Variants in TSPAN4 observed in about 807,000 individuals in gnomAD.
TSPAN4 encodes the protein tetraspanin 4.
In TSPAN4, 38 loss-of-function variants were observed where a neutral mutation model predicts 31.5. The ratio of observed to expected loss-of-function variants is 1.21; its 90% CI spans 0.93 to 1.58. TSPAN4 has a LOEUF of 1.58. Ranked by LOEUF, TSPAN4 falls within the 40% of genes most tolerant of loss-of-function variation. The pLI is 0.00. For synonymous variants in TSPAN4, 186 were observed against 144.6 expected (o/e 1.29, Z -2.06); for missense variants, 330 against 317.3 (o/e 1.04, Z -0.30).
At chr11:846,054 G>A (rs987093379) in intron 1 of TSPAN4, among the ~76,000 whole-genome samples, 2 of 152,314 alleles carry the variant, frequency 1.3e-5, no homozygotes, top group African/African-American at 4.8e-5. Context: ...GTTTGTGTTG[G>A]CGGGCCTCCC....
At chr11:852,215 T>A (rs11246334) in intron 3 of TSPAN4, among the ~76,000 whole-genome samples, 1 of 152,076 alleles carries the variant, frequency 6.6e-6, no homozygotes, top group Non-Finnish European at 1.5e-5. Flanking sequence ...CTTCCATCTC[T>A]GGGGTTCAAG....
At chr11:850,208 G>A in intron 2 of TSPAN4, 80 bp from the exon 3 acceptor site, 7 of 1,207,968 alleles carry the variant, frequency 5.8e-6, no homozygotes, top group Non-Finnish European at 7.0e-6. Flanking sequence ...GCCCCAAGGC[G>A]GCCCAGGCGC....
chr11:846,099 T>G (rs576510742), intron 1 of TSPAN4, among the ~76,000 whole-genome samples: 67 of 152,104 alleles, frequency 4.4e-4, no homozygotes, highest in African/African-American at 1.6e-3. Flanking sequence ...CCCGTGGGCC[T>G]GGGGGGCCAG....
chr11:851,806 G>A (rs1371255502), intron 3 of TSPAN4, among the ~76,000 whole-genome samples: 1 of 151,948 alleles, frequency 6.6e-6, no homozygotes, highest in Non-Finnish European at 1.5e-5. Context: ...AGGGCAGTGG[G>A]TGTGGGGGCC....
intron 3 of TSPAN4, among the ~76,000 whole-genome samples, chr11:851,079 G>C (rs921574875): frequency 6.6e-6 from 1 of 152,248 alleles, no homozygotes; most frequent in African/African-American, 2.4e-5. Flanking sequence ...ATGGAGCAGA[G>C]CTGAGGTAGA....
At chr11:844,676 G>A (rs1477016399) in intron 1 of TSPAN4, 1 of 150,872 alleles carries the variant, frequency 6.6e-6, no homozygotes, top group East Asian at 2.0e-4. Context: ...TCCTGGGTGT[G>A]GAGTGTTGGC....
intron 3 of TSPAN4, among the ~76,000 whole-genome samples, chr11:853,505 C>G (rs1424988362): frequency 1.3e-5 from 2 of 151,044 alleles, no homozygotes; most frequent in African/African-American, 4.9e-5. Flanking sequence ...AGCGTTGGTT[C>G]GGATTTCCCA....
At chr11:865,485 G>A (rs1183333911) in intron 5 of TSPAN4, 28 bp from the exon 6 acceptor site, 13 of 1,579,448 alleles carry the variant, frequency 8.2e-6, no homozygotes, top group Non-Finnish European at 1.1e-5. Context: ...AGTGGGAGGG[G>A]CCCTGCTGAC....
chr11:849,076 C>T (rs1268432217), intron 2 of TSPAN4: 10 of 574,862 alleles, frequency 1.7e-5, no homozygotes, highest in Non-Finnish European at 2.8e-5. Flanking sequence ...ATCAAGCCAG[C>T]TGGGGTGGGT....
At chr11:855,473 G>C (rs758440563) in intron 3 of TSPAN4, among the ~76,000 whole-genome samples, 1 of 152,224 alleles carries the variant, frequency 6.6e-6, no homozygotes, top group Non-Finnish European at 1.5e-5. Context: ...TACCCACCCT[G>C]CAGGAGCCAG....
At chr11:851,270 C>T (rs1261744469) in intron 3 of TSPAN4, among the ~76,000 whole-genome samples, 1 of 152,182 alleles carries the variant, frequency 6.6e-6, no homozygotes, top group African/African-American at 2.4e-5. Flanking sequence ...TGGGGCTTTG[C>T]TGGCTGGGCT....
In TSPAN4 at chr11:847,627, G is replaced by A. The variant is rs1050577159; in HGVS notation, c.-18+327G>A. On this transcript the variant is annotated intron_variant, in intron 2 of 8. Coordinates refer to ENST00000397397, the MANE Select transcript of TSPAN4 (RefSeq NM_003271.5). Reference sequence around the variant, plus strand: ...CCCGCCCCCACCCCCCCCCAACCCCGCTCCTCCTGACCCTCGGTGGCCTTG... The same window carrying A: ...CCCGCCCCCACCCCCCCCCAACCCCACTCCTCCTGACCCTCGGTGGCCTTG... 3.5e-4 allele frequency among the ~76,000 whole-genome samples: 10 copies of A among 28,712 alleles called. No homozygotes were observed. The South Asian group carries it at 6.8e-3, about 19-fold the overall frequency. The allele number at this position is 28,712 out of a possible 152,430, so 18.8% of individuals were successfully genotyped here.
chr11:850,485 G>A, intron 3 of TSPAN4, 118 bp downstream of exon 3: 1 of 878,220 alleles, frequency 1.1e-6, no homozygotes, highest in South Asian at 1.5e-5. Context: ...GCGGTTGTGG[G>A]GATGGTCCCG....
chr11:865,146 C>T (rs1024902575), intron 5 of TSPAN4: 2 of 229,206 alleles, frequency 8.7e-6, no homozygotes, highest in Admixed American at 5.1e-5. Flanking sequence ...TCTGGGTCCT[C>T]ACTGAATATT....
At chr11:863,141 T>C in intron 4 of TSPAN4, 1 of 165,726 alleles carries the variant, frequency 6.0e-6, no homozygotes, top group Non-Finnish European at 1.3e-5. Context: ...AGCTTCTTGT[T>C]GGGGGCCTGG....
chr11:862,837 C>T lies in TSPAN4; in HGVS notation c.255+96C>T, dbSNP rs756771432. 1.7e-3 allele frequency: 2,218 copies of T among 1,295,600 alleles called. 3 individuals carry two copies. Among genetic ancestry groups the T allele is most frequent in the Non-Finnish European group, 2.2e-3 (2,090 of 965,918 alleles). The allele number at this position is 1,295,600 out of a possible 1,614,324, so 80.3% of individuals were successfully genotyped here. On this transcript the variant is annotated intron_variant, in intron 4 of 8. Transcript: ENST00000397397. Reference sequence around the variant, plus strand: ...TTGGCTGCCGCAGTGACCCCCCAGACGTGGGCACCACCTCTGGGGCCGGAC... The same window carrying T: ...TTGGCTGCCGCAGTGACCCCCCAGATGTGGGCACCACCTCTGGGGCCGGAC...
At chr11:865,341 G>A in intron 5 of TSPAN4, 172 bp from the exon 6 acceptor site, 1 of 611,884 alleles carries the variant, frequency 1.6e-6, no homozygotes, top group Middle Eastern at 4.4e-4. Context: ...CTGGGCCTCA[G>A]GGCTGCTGGG....
intron 3 of TSPAN4, among the ~76,000 whole-genome samples, chr11:851,596 A>C (rs1387923086): frequency 2.0e-5 from 3 of 151,602 alleles, no homozygotes; most frequent in Non-Finnish European, 4.4e-5. Flanking sequence ...CCAGACATCC[A>C]CCTCCAGAAG....
rs28505621 is a variant in TSPAN4, at chr11:862,652, T to C, written c.166T>C (p.Leu56=). 1,611,074 of 1,613,382 alleles carry C rather than the reference T, an allele frequency of 1. 804,414 individuals carry two copies. Among genetic ancestry groups the C allele is most frequent in the East Asian group, 1 (44,870 of 44,870 alleles). ...SSFPSLSAAN[L]LIITGAFVMA... ...CTTCCCGTCCCTGTCGGCTGCCAAC[T>C]TGCTCATCATCACCGGCGCCTTTGT... Residue 56 remains leucine, a synonymous_variant, in exon 4 of 9, where the codon TTG becomes CTG. Coordinates refer to ENST00000397397, the MANE Select transcript of TSPAN4 (RefSeq NM_003271.5).
Sources: allele counts gnomAD v4.1 joint callset (sites outside exome capture counted in the v4.1 genomes callset), GRCh38; gene constraint gnomAD v4.1.1; transcripts MANE v1.5; gene names NCBI Gene and HGNC (gene_info 2026-07-23, HGNC 2026-07-21).